HAUS7: variants seen among roughly 807,000 people sequenced by gnomAD.
HAUS7 encodes the protein HAUS augmin-like complex subunit 7.
In HAUS7, 3 loss-of-function variants were observed where a neutral mutation model predicts 28.4. The observed-to-expected ratio is 0.11, with a 90% confidence interval of 0.05 to 0.27. The LOEUF (loss-of-function observed/expected upper bound fraction) is 0.27, where lower values mean the gene tolerates loss of function less well. Among genes scored for constraint, HAUS7 ranks in the 10% least tolerant of loss-of-function variants. HAUS7 has a pLI of 1.00. For synonymous variants in HAUS7, 165 were observed against 132.1 expected (o/e 1.25, Z -1.71); for missense variants, 284 against 297.3 (o/e 0.96, Z 0.33).
chrX:153,470,387 C>G, intron 1 of HAUS7, 63 bp downstream of exon 1: 1 of 1,129,493 alleles, frequency 8.9e-7, no homozygotes, highest in Non-Finnish European at 1.2e-6. Flanking sequence ...CAAGCCCTCC[C>G]GGGCCTCGGG....
intron 1 of HAUS7, among the ~76,000 whole-genome samples, chrX:153,476,891 CG>C (rs1171134361): frequency 1.1e-5 from 1 of 94,382 alleles, no homozygotes; most frequent in Non-Finnish European, 2.2e-5. Flanking sequence ...AGCTCTTGGG[CG>C]GGGGGGAGGG....
chrX:153,481,341 G>A, intron 1 of HAUS7: 1 of 748,087 alleles, frequency 1.3e-6, no homozygotes, highest in Non-Finnish European at 1.6e-6. Flanking sequence ...ACCCAGCAGG[G>A]GCTGTCTCTC....
intron 9 of HAUS7, among the ~76,000 whole-genome samples, chrX:153,448,962 G>A (rs1050096848): frequency 1.8e-4 from 20 of 112,475 alleles, no homozygotes; most frequent in Non-Finnish European, 3.8e-5. Context: ...TTAACCAGAT[G>A]GAGAACACTG....
In HAUS7 at chrX:153,489,312, G is replaced by A. The variant is rs895049968; in HGVS notation, c.-589+6062C>T. Among the ~76,000 whole-genome samples the A allele has an allele frequency of 3.6e-5, 4 of 112,197 alleles. No homozygotes were observed. The South Asian group carries it at 1.5e-3, about 42-fold the overall frequency. ...CGAGAGCAAGGGCAGCCCAGCCGTG[G>A]CCCTGCACCTGCCCCTCCTTCAGCA... On this transcript the variant is annotated intron_variant, in intron 1 of 5. Coordinates refer to the HAUS7 transcript ENST00000370210.
Position 153,483,132 on chromosome X carries a change from C to T in HAUS7, c.-588-11987G>A, listed in dbSNP as rs144782918. 4.7e-3 allele frequency among the ~76,000 whole-genome samples: 534 copies of T among 113,137 alleles called. 3 individuals carry two copies. The highest frequency in any genetic ancestry group is 7.9e-3 in the South Asian group (22 of 2,776). ...CATACAGTCCCCTGAAAATCCACCCCTGCCATGGGCCTGACTGCTCAGGGC... is the reference window on the plus strand; with the variant it reads ...CATACAGTCCCCTGAAAATCCACCCTTGCCATGGGCCTGACTGCTCAGGGC... On this transcript the variant is annotated intron_variant, in intron 1 of 5. Coordinates refer to the HAUS7 transcript ENST00000370210.
At chrX:153,470,673 C>T, upstream of HAUS7, 1 of 1,040,733 alleles carries the variant, frequency 9.6e-7, no homozygotes, top group Non-Finnish European at 1.3e-6. Flanking sequence ...CCTTCCCGAC[C>T]GACCCTTCCC....
intron 9 of HAUS7, among the ~76,000 whole-genome samples, 178 bp from the exon 10 acceptor site, chrX:153,448,087 T>C (rs1407665284): frequency 2.7e-5 from 3 of 109,968 alleles, no homozygotes; most frequent in Admixed American, 9.6e-5. Context: ...TACAGACACA[T>C]GCACACGTAT....
chrX:153,487,348 G>A (rs1435304221), intron 1 of HAUS7, among the ~76,000 whole-genome samples: 1 of 112,616 alleles, frequency 8.9e-6, no homozygotes, highest in Non-Finnish European at 1.9e-5. Flanking sequence ...GAGCAGGAGG[G>A]TGTGGAGGTT....
In HAUS7 at chrX:153,454,609, C is replaced by G; in HGVS notation, c.931-101G>C. 2 of 540,652 alleles carry G rather than the reference C, an allele frequency of 3.7e-6. 1 individual carries two copies. The highest frequency in any genetic ancestry group is 5.7e-5 in the South Asian group (2 of 35,332). The allele number at this position is 540,652 out of a possible 1,213,427, so 44.6% of individuals were successfully genotyped here. A position where few individuals can be genotyped will look rare whatever the true frequency, so the allele number is the denominator to read the frequency against. ...GACGGCATCTCCTGCTTCCCACCCC[C>G]ACTCACACTGATCAGGTGGCATTCA... On this transcript the variant is annotated intron_variant, in intron 8 of 9. Transcript: ENST00000370211.
chrX:153,478,091 G>A (rs1465539782), intron 1 of HAUS7, among the ~76,000 whole-genome samples: 2 of 112,381 alleles, frequency 1.8e-5, no homozygotes, highest in African/African-American at 3.2e-5. Context: ...TCTTAAGATC[G>A]CTTCCAAACC....
At chrX:153,448,617 G>A (rs1193484613) in intron 9 of HAUS7, among the ~76,000 whole-genome samples, 8 of 111,775 alleles carry the variant, frequency 7.2e-5, no homozygotes, top group African/African-American at 1.9e-4. Context: ...ACAGGAAAGC[G>A]AGCCTGGCGC....
chrX:153,480,464 A>C, intron 1 of HAUS7: 1 of 442,770 alleles, frequency 2.3e-6, no homozygotes, highest in Non-Finnish European at 2.8e-6. Context: ...GAGGTAAGGG[A>C]AAGGCGGGGC....
chrX:153,490,445 G>A (rs1235155505), intron 1 of HAUS7, among the ~76,000 whole-genome samples: 1 of 112,717 alleles, frequency 8.9e-6, no homozygotes, highest in Admixed American at 9.3e-5. Context: ...TGGAGGCTCC[G>A]CTCACTCAGC....
intron 4 of HAUS7, chrX:153,462,109 A>G: frequency 1.9e-6 from 2 of 1,050,137 alleles, no homozygotes. Context: ...GTCAAAAATC[A>G]TATGCAAGAA....
At chrX:153,470,773 G>C (rs987377083), upstream of HAUS7, 23 of 495,824 alleles carry the variant, frequency 4.6e-5, no homozygotes, top group Non-Finnish European at 7.8e-5. Context: ...AAGCGGGCAG[G>C]GCGGACACAG....
In HAUS7 at chrX:153,457,213, G is replaced by C. The variant is rs1364274733; in HGVS notation, c.370C>G (p.Gln124Glu). The C allele has an allele frequency of 8.4e-7, 1 of 1,191,902 alleles. No homozygotes were observed. Among genetic ancestry groups the C allele is most frequent in the Non-Finnish European group, 1.1e-6 (1 of 878,021 alleles). ...QELLKGCACA[Q>E]KQLHFMDQLL... ...TGGTCCATGAAGTGTAGCTGCTTCT[G>C]GGCGCAGGCACAGCCCTGGGCAAGG... is the stretch of plus-strand genomic sequence containing the variant. Residue 124 changes from glutamine to glutamate, a missense_variant, in exon 5 of 10, where the codon CAG becomes GAG. Coordinates refer to ENST00000370211, the MANE Select transcript of HAUS7 (RefSeq NM_001385482.1).
chrX:153,482,202 G>C (rs1192182369), intron 1 of HAUS7: 8 of 522,984 alleles, frequency 1.5e-5, no homozygotes. Flanking sequence ...GTGGGAACTA[G>C]GAAGCCATGA....
intron 1 of HAUS7, chrX:153,479,207 G>A (rs782183036): frequency 8.2e-4 from 269 of 328,010 alleles, no homozygotes; most frequent in African/African-American, 6.8e-3. Flanking sequence ...GTCCGCCATC[G>A]TCCTGCCGTG....
chrX:153,455,401 C>T, intron 8 of HAUS7, 141 bp downstream of exon 8: 1 of 470,081 alleles, frequency 2.1e-6, no homozygotes, highest in Non-Finnish European at 3.7e-6. Context: ...GAGCCCAGCC[C>T]AGCCCCTCCC....
Sources: allele counts gnomAD v4.1 joint callset (sites outside exome capture counted in the v4.1 genomes callset), GRCh38; gene constraint gnomAD v4.1.1; transcripts MANE v1.5; gene names NCBI Gene and HGNC (gene_info 2026-07-23, HGNC 2026-07-21).